The following TAB2 variants were observed in gnomAD, a reference collection of about 807,000 sequenced individuals.
The protein encoded by TAB2 is TGF-beta-activated kinase 1 and MAP3K7-binding protein 2.
Under a neutral mutation model 65.0 loss-of-function variants are expected in TAB2, and 3 were observed. That is an observed-to-expected ratio of 0.05 (90% CI 0.02 to 0.12). TAB2 has a LOEUF of 0.12. TAB2 is among the 10% of genes least tolerant of loss of function. The pLI is 1.00. For synonymous variants in TAB2, 298 were observed against 285.1 expected, an observed-to-expected ratio of 1.05 and a Z score of -0.46; for missense variants, 623 against 840.3, an observed-to-expected ratio of 0.74 and a Z score of 3.20.
At chr6:149,295,530 G>GT (rs1778860152) in intron 1 of TAB2, among the ~76,000 whole-genome samples, 1 of 152,092 alleles carries the variant, frequency 6.6e-6, no homozygotes, top group African/African-American at 2.4e-5. Context: ...TCTTCACACA[G>GT]TATCCTTTAT....
chr6:149,286,028 T>C (rs2114690059), intron 1 of TAB2, among the ~76,000 whole-genome samples: 1 of 152,260 alleles, frequency 6.6e-6, no homozygotes, highest in East Asian at 1.9e-4. Flanking sequence ...GGACCACAAA[T>C]ATATTTTATA....
chr6:149,306,591 C>A (rs557595742), intron 1 of TAB2, among the ~76,000 whole-genome samples: 13 of 148,634 alleles, frequency 8.7e-5, no homozygotes, highest in Admixed American at 2.0e-4. Context: ...CAAAAAAAAA[C>A]ACACACACAA....
chr6:149,377,265 A>G (rs9377211), intron 2 of TAB2, among the ~76,000 whole-genome samples: 131,556 of 150,986 alleles, frequency 0.87, 57,380 homozygotes, highest in Middle Eastern at 0.97. Context: ...TAGAGACGGG[A>G]TTTCACCGTG....
chr6:149,222,329 C>T (rs1777165721), intron 1 of TAB2, among the ~76,000 whole-genome samples: 1 of 152,046 alleles, frequency 6.6e-6, no homozygotes, highest in South Asian at 2.1e-4. Flanking sequence ...CATAATAAAC[C>T]TTTCCTGGCC....
Position 149,242,669 on chromosome 6 carries a change from G to C in TAB2, c.-121+23893G>C, listed in dbSNP as rs868091801. On this transcript the variant is annotated intron_variant, in intron 1 of 1. Coordinates refer to the TAB2 transcript ENST00000606202. ...CTGGAAGAACCTGTAGCTCTTCCTT[G>C]TTGGCAGCCCCAAAGTCTATGAATC... 3.9e-5 allele frequency among the ~76,000 whole-genome samples: 6 copies of C among 152,302 alleles called. No individual in the cohort carries two copies. The South Asian group carries it at 1.0e-3, about 26-fold the overall frequency.
intron 1 of TAB2, among the ~76,000 whole-genome samples, chr6:149,352,189 C>T (rs916941779): frequency 6.6e-6 from 1 of 152,112 alleles, no homozygotes; most frequent in Non-Finnish European, 1.5e-5. Flanking sequence ...CCACCATTTA[C>T]TTTGTATGGC....
chr6:149,400,623 A>G, intron 6 of TAB2: 1 of 1,614,254 alleles, frequency 6.2e-7, no homozygotes, highest in Non-Finnish European at 8.5e-7. Flanking sequence ...ACAGTTGGAA[A>G]TGGAAGATGA....
chr6:149,243,230 G>A (rs1180702923), intron 1 of TAB2: 6 of 152,204 alleles, frequency 3.9e-5, no homozygotes, highest in Non-Finnish European at 7.3e-5. Context: ...TGCCTTTCTC[G>A]ATTTAAATAT....
At chr6:149,257,931 G>A (rs1011955578) in intron 1 of TAB2, among the ~76,000 whole-genome samples, 1 of 152,206 alleles carries the variant, frequency 6.6e-6, no homozygotes, top group African/African-American at 2.4e-5. Context: ...GCTAGACAGA[G>A]AGAAGTTCAA....
At chr6:149,307,008 G>C (rs530647089) in intron 1 of TAB2, among the ~76,000 whole-genome samples, 59 of 152,174 alleles carry the variant, frequency 3.9e-4, no homozygotes, top group Admixed American at 1.2e-3. Context: ...CTAAACTTGG[G>C]ACCTATATGA....
intron 1 of TAB2, among the ~76,000 whole-genome samples, chr6:149,368,645 TTGTGTGTGTGTGTGTG>T (rs3056968): frequency 4.1e-5 from 6 of 147,496 alleles, no homozygotes; most frequent in African/African-American, 1.0e-4. Context: ...ATGCGAAAAT[TTGTGTGTGTGTGTGTG>T]TGTGTGTGTG....
chr6:149,266,351 G>T lies in TAB2; in HGVS notation c.-121+47575G>T, dbSNP rs181154502. Among the ~76,000 whole-genome samples, 18 of 152,270 alleles carry T rather than the reference G, an allele frequency of 1.2e-4. No homozygotes were observed. The East Asian group carries it at 3.3e-3, about 28-fold the overall frequency. On this transcript the variant is annotated intron_variant, in intron 1 of 1. Coordinates refer to the TAB2 transcript ENST00000606202. Reference sequence around the variant, plus strand: ...CTCGCCAGTGAACAGAAGCATTCTGGTCCACTTGGCAGACTGTCCCTTAGT... The same window carrying T: ...CTCGCCAGTGAACAGAAGCATTCTGTTCCACTTGGCAGACTGTCCCTTAGT...
intron 3 of TAB2, among the ~76,000 whole-genome samples, chr6:149,381,569 CT>C (rs557951574): frequency 0.16 from 15,769 of 95,606 alleles, 815 homozygotes; most frequent in African/African-American, 0.32. Context: ...CCCTCCTATT[CT>C]TTTTTTTTTT....
At chr6:149,361,648 G>A (rs1451831975) in intron 1 of TAB2, among the ~76,000 whole-genome samples, 1 of 152,190 alleles carries the variant, frequency 6.6e-6, no homozygotes, top group Non-Finnish European at 1.5e-5. Context: ...GAGTCCACTT[G>A]CTTGAATTCC....
rs184163109 is a variant in TAB2 at position 149,377,742 on chromosome 6, C to G, written c.103-276C>G. 8.3e-4 allele frequency among the ~76,000 whole-genome samples: 127 copies of G among 152,244 alleles called. 1 individual carries two copies. Among genetic ancestry groups the G allele is most frequent in the Admixed American group, 8.2e-3 (126 of 15,292 alleles). On this transcript the variant is annotated intron_variant, in intron 2 of 6. Coordinates refer to ENST00000637181, the MANE Select transcript of TAB2 (RefSeq NM_001292034.3). ...TAATTAGGTTATAATTTTACTATATCTGTCTGAATCCATTTTACTCCTCGT... is the reference window on the plus strand; with the variant it reads ...TAATTAGGTTATAATTTTACTATATGTGTCTGAATCCATTTTACTCCTCGT...
At chr6:149,296,793 G>C (rs1778884177) in intron 1 of TAB2, among the ~76,000 whole-genome samples, 1 of 152,174 alleles carries the variant, frequency 6.6e-6, no homozygotes, top group Non-Finnish European at 1.5e-5. Context: ...AATCTTCAGA[G>C]GTTAACTAGC....
chr6:149,322,072 T>G (rs1048367585), intron 1 of TAB2, among the ~76,000 whole-genome samples: 2 of 152,180 alleles, frequency 1.3e-5, no homozygotes, highest in African/African-American at 4.8e-5. Context: ...ATTTATTGAA[T>G]GCCTACTGTG....
intron 1 of TAB2, among the ~76,000 whole-genome samples, chr6:149,242,882 G>A (rs189352719): frequency 6.6e-6 from 1 of 152,296 alleles, no homozygotes; most frequent in African/African-American, 2.4e-5. Context: ...TTCCCTGCTG[G>A]GAAATGACAA....
chr6:149,383,708 G>A (rs920609571), intron 3 of TAB2, among the ~76,000 whole-genome samples: 6 of 152,056 alleles, frequency 3.9e-5, no homozygotes, highest in South Asian at 2.1e-4. Context: ...TCAGCCTCCC[G>A]GGTAGCTGTG....
Sources: gnomAD v4.1 joint callset for allele counts (sites outside exome capture counted in the v4.1 genomes callset) on GRCh38, gnomAD v4.1.1 for gene constraint, MANE v1.5 for transcripts, NCBI Gene and HGNC (gene_info 2026-07-23, HGNC 2026-07-21) for gene names.